The following ETV3 variants were observed in gnomAD, a reference collection of about 807,000 sequenced individuals.
ETV3 encodes the protein ETS variant transcription factor 3, also known as ETS translocation variant 3.
In ETV3, 8 loss-of-function variants were observed where a neutral mutation model predicts 33.0. The ratio of observed to expected loss-of-function variants is 0.24; its 90% CI spans 0.14 to 0.44. The LOEUF is 0.44. Among genes scored for constraint, ETV3 ranks in the 20% least tolerant of loss-of-function variants. The probability of loss-of-function intolerance (pLI) is 1.00; values close to 1 mark genes in which losing one functional copy is unlikely to be tolerated. For missense variants in ETV3, 473 were observed against 652.3 expected (o/e 0.73, Z 2.99); for synonymous variants, 222 against 238.9 (o/e 0.93, Z 0.65).
chr1:157,126,117 A>G lies in ETV3; in HGVS notation c.401-138T>C, dbSNP rs531829650. The G allele has an allele frequency of 1.3e-4, 102 of 774,178 alleles. 1 individual carries two copies. The Admixed American group carries it at 2.3e-3, about 18-fold the overall frequency. The allele number at this position is 774,178 out of a possible 1,614,324, so 48.0% of individuals were successfully genotyped here. A position where few individuals can be genotyped will look rare whatever the true frequency, so the allele number is the denominator to read the frequency against. ...CTGGACTGAATCCCACAGTTCTCCA[A>G]CTTCCTAGTAACTACTGCTCAGCTG... On this transcript the variant is annotated intron_variant, in intron 4 of 4. Transcript: ENST00000368192.
At position 157,122,353 on chromosome 1, in the gene ETV3, C is replaced by G. The variant is rs1674725072; in HGVS notation, c.*2488G>C. 6.6e-6 allele frequency: 1 copy of G among 152,120 alleles called. No individual in the cohort carries two copies. Among genetic ancestry groups the G allele is most frequent in the Non-Finnish European group, 1.5e-5 (1 of 68,020 alleles). 9.4% of individuals were successfully genotyped at this position (152,120 alleles called of 1,614,324 possible). A position where few individuals can be genotyped will look rare whatever the true frequency, so the allele number is the denominator to read the frequency against. On this transcript the variant is annotated 3_prime_UTR_variant, in exon 5 of 5. Coordinates refer to ENST00000368192, the MANE Select transcript of ETV3 (RefSeq NM_001145312.3). ...GTATAAGGACCCTCCCCTCCCAACC[C>G]CAACCCCAGAGTGCAGTGCAAATCA...
intron 3 of ETV3, 167 bp downstream of exon 3, chr1:157,135,304 T>C: frequency 3.8e-6 from 3 of 791,108 alleles, no homozygotes; most frequent in Non-Finnish European, 6.0e-6. Context: ...CTCCTGTGCC[T>C]ATGCTACTCA....
At chr1:157,133,322 G>A (rs949340613) in intron 4 of ETV3, 1 of 836,820 alleles carries the variant, frequency 1.2e-6, no homozygotes, top group Non-Finnish European at 1.4e-6. Flanking sequence ...GGTACTATCT[G>A]TGGTTTGCGA....
intron 4 of ETV3, among the ~76,000 whole-genome samples, chr1:157,131,294 A>G (rs1674961797): frequency 6.6e-6 from 1 of 152,214 alleles, no homozygotes; most frequent in African/African-American, 2.4e-5. Context: ...AAATATTTTA[A>G]TAATGTGTTA....
chr1:157,135,462 T>C lies in ETV3; in HGVS notation c.284+9A>G. 1.2e-6 allele frequency: 2 copies of C among 1,613,920 alleles called. No homozygotes were observed. Among genetic ancestry groups the C allele is most frequent in the Non-Finnish European group, 1.7e-6 (2 of 1,179,822 alleles). The stretch of plus-strand genomic sequence containing the variant: ...CTGTTAACACAGATTTGGGAATCCT[T>C]TTCCTTACCTGAGGGCCCGGCTCAG... On this transcript the variant is annotated intron_variant, in intron 3 of 4. Coordinates refer to ENST00000368192, the MANE Select transcript of ETV3 (RefSeq NM_001145312.3).
At chr1:157,133,729 G>C (rs1053570088) in intron 4 of ETV3, 1 of 1,003,674 alleles carries the variant, frequency 1.0e-6, no homozygotes, top group Non-Finnish European at 1.2e-6. Context: ...ACAGAAAATC[G>C]GAAGTGTTTG....
At chr1:157,130,352 C>A (rs933292573) in intron 4 of ETV3, among the ~76,000 whole-genome samples, 1 of 152,106 alleles carries the variant, frequency 6.6e-6, no homozygotes, top group Non-Finnish European at 1.5e-5. Context: ...AGTAGCCCTA[C>A]TTTTATATGT....
At position 157,135,804 on chromosome 1, in the gene ETV3, T is replaced by C; in HGVS notation, c.47-96A>G. 2.4e-6 allele frequency: 3 copies of C among 1,272,468 alleles called. No homozygotes were observed. The South Asian group carries it at 3.9e-5, about 17-fold the overall frequency. 78.8% of individuals were successfully genotyped at this position (1,272,468 alleles called of 1,614,324 possible). Reference sequence around the variant, plus strand: ...ACATTCCACTGCTCAGAATCTAGAGTGCTTTGCAAACATGCTGTAAGTACT... The same window carrying C: ...ACATTCCACTGCTCAGAATCTAGAGCGCTTTGCAAACATGCTGTAAGTACT... On this transcript the variant is annotated intron_variant, in intron 2 of 4. Coordinates refer to ENST00000368192, the MANE Select transcript of ETV3 (RefSeq NM_001145312.3).
At chr1:157,135,426 C>G (rs759746000) in intron 3 of ETV3, 45 bp downstream of exon 3, 1 of 1,604,822 alleles carries the variant, frequency 6.2e-7, no homozygotes, top group South Asian at 1.1e-5. Context: ...ACAGCTTAGT[C>G]TCCTTCCAAT....
chr1:157,136,439 C>A, intron 1 of ETV3, 74 bp from the exon 2 acceptor site: 1 of 1,395,440 alleles, frequency 7.2e-7, no homozygotes, highest in South Asian at 1.3e-5. Flanking sequence ...TTCTGGCAGT[C>A]TCTCCCCAAA....
At chr1:157,134,653 C>G (rs1675050859) in intron 3 of ETV3, among the ~76,000 whole-genome samples, 1 of 152,204 alleles carries the variant, frequency 6.6e-6, no homozygotes, top group Non-Finnish European at 1.5e-5. Flanking sequence ...GAGGCCTAAG[C>G]TCAAAAGACA....
chr1:157,125,263 T>C lies in ETV3; in HGVS notation c.1117A>G (p.Met373Val), dbSNP rs562878710. The C allele has an allele frequency of 4.5e-6, 7 of 1,552,030 alleles. No individual in the cohort carries two copies. The East Asian group carries it at 1.2e-4, about 27-fold the overall frequency. ...EESAPVTTPT[M>V]ASIPPRIKVE... is the part of the protein sequence containing the mutation. ...TTGATTCTTGGGGGAATAGAAGCCATGGTGGGCGTGGTGACTGGTGCTGAC... is the reference window on the plus strand; with the variant it reads ...TTGATTCTTGGGGGAATAGAAGCCACGGTGGGCGTGGTGACTGGTGCTGAC... Residue 373 changes from methionine to valine, a missense_variant, in exon 5 of 5, where the codon ATG becomes GTG. Met to Val is a conservative substitution (Grantham distance 21). Coordinates refer to ENST00000368192, the MANE Select transcript of ETV3 (RefSeq NM_001145312.3). The surrounding 1 kb of genome is among the most constrained non-coding windows in gnomAD (Gnocchi z 4.0).
chr1:157,128,893 A>G (rs971202874), intron 4 of ETV3, among the ~76,000 whole-genome samples: 2 of 152,248 alleles, frequency 1.3e-5, no homozygotes, highest in African/African-American at 4.8e-5. Context: ...GCTATCTATC[A>G]CTGTTTACCC....
At chr1:157,134,896 C>G (rs1675060712) in intron 3 of ETV3, among the ~76,000 whole-genome samples, 1 of 152,130 alleles carries the variant, frequency 6.6e-6, no homozygotes, top group Admixed American at 6.5e-5. Flanking sequence ...CCTTCTAGCC[C>G]CTTGAGGGCT....
chr1:157,128,064 G>A (rs1379814206), intron 4 of ETV3, among the ~76,000 whole-genome samples: 1 of 152,186 alleles, frequency 6.6e-6, no homozygotes, highest in Non-Finnish European at 1.5e-5. Flanking sequence ...TAGTGATCTA[G>A]GAGTGGAAAC....
chr1:157,125,674 T>C lies in ETV3; in HGVS notation c.706A>G (p.Arg236Gly). The change falls in exon 5 of 5, where the codon AGG becomes GGG. Residue 236 changes from arginine (R) to glycine (G), a missense_variant. Transcript: ENST00000368192. The surrounding 1 kb of genome is among the most constrained non-coding windows in gnomAD (Gnocchi z 4.0). ...TGGGGGTCAGGGTACATCCCTGGCCTAGCAAACAGAGGAAGCATTATGTCA... is the reference window on the plus strand; with the variant it reads ...TGGGGGTCAGGGTACATCCCTGGCCCAGCAAACAGAGGAAGCATTATGTCA... ...KPDIMLPLFA[R>G]PGMYPDPHSP... is the part of the protein sequence containing the mutation. The C allele has an allele frequency of 6.4e-7, 1 of 1,551,620 alleles. No homozygotes were observed. Among genetic ancestry groups the C allele is most frequent in the Non-Finnish European group, 8.7e-7 (1 of 1,146,988 alleles).
chr1:157,130,000 T>C (rs938369300), intron 4 of ETV3, among the ~76,000 whole-genome samples: 8 of 152,034 alleles, frequency 5.3e-5, no homozygotes, highest in African/African-American at 1.9e-4. Flanking sequence ...CGCACCACCA[T>C]GACTGGCTGA....
chr1:157,121,558 T>G lies in ETV3; in HGVS notation c.*3283A>C, dbSNP rs1487321996. ...AATGCTTAAATATCTCAAAACAAAT[T>G]AACTGGTAACTTTTTATCCCCCTAA... On this transcript the variant is annotated 3_prime_UTR_variant, in exon 5 of 5. Coordinates refer to ENST00000368192, the MANE Select transcript of ETV3 (RefSeq NM_001145312.3). 1.3e-5 allele frequency: 2 copies of G among 152,184 alleles called. No homozygotes were observed. The highest frequency in any genetic ancestry group is 2.9e-5 in the Non-Finnish European group (2 of 68,034). 9.4% of individuals were successfully genotyped at this position (152,184 alleles called of 1,614,324 possible). A position where few individuals can be genotyped will look rare whatever the true frequency, so the allele number is the denominator to read the frequency against.
In ETV3 at chr1:157,125,678, A is replaced by G. The variant is rs2231856; in HGVS notation, c.702T>C (p.Phe234=). The G allele has an allele frequency of 0.13, 194,759 of 1,551,468 alleles. 18,536 individuals carry two copies. The highest frequency in any genetic ancestry group is 0.49 in the East Asian group (20,183 of 40,884). ...KRKPDIMLPL[F]ARPGMYPDPH... is the part of the protein sequence containing the mutation. Reference sequence around the variant, plus strand: ...GGTCAGGGTACATCCCTGGCCTAGCAAACAGAGGAAGCATTATGTCAGGCT... The same window carrying G: ...GGTCAGGGTACATCCCTGGCCTAGCGAACAGAGGAAGCATTATGTCAGGCT... The change falls in exon 5 of 5, where the codon TTT becomes TTC. Residue 234 remains phenylalanine (F), a synonymous_variant. Transcript: ENST00000368192. This position sits in a 1 kb window ranked among gnomAD's most constrained non-coding sequence, Gnocchi z 4.0.
Sources: gnomAD v4.1 joint callset for allele counts (sites outside exome capture counted in the v4.1 genomes callset) on GRCh38, gnomAD v4.1.1 for gene constraint, Gnocchi (gnomAD v3.1) non-coding constraint, MANE v1.5 for transcripts, NCBI Gene and HGNC (gene_info 2026-07-23, HGNC 2026-07-21) for gene names.